CFAP20DC: variants seen among roughly 807,000 people sequenced by gnomAD.
CFAP20DC encodes protein CFAP20DC.
Under a neutral mutation model 101.7 loss-of-function variants are expected in CFAP20DC, and 84 were observed. The observed-to-expected ratio is 0.83, with a 90% CI of 0.69 to 0.99. CFAP20DC has a LOEUF of 0.99. Among genes scored for constraint, CFAP20DC ranks in the 50% least tolerant of loss-of-function variants. The probability of loss-of-function intolerance (pLI) is 0.00; values close to 1 mark genes in which losing one functional copy is unlikely to be tolerated. For synonymous variants in CFAP20DC, 359 were observed against 351.2 expected (o/e 1.02, Z -0.25); for missense variants, 1,007 against 970.3 (o/e 1.04, Z -0.50).
chr3:58,835,059 C>T (rs760383780), intron 13 of CFAP20DC, among the ~76,000 whole-genome samples: 23 of 152,006 alleles, frequency 1.5e-4, no homozygotes, highest in Non-Finnish European at 2.6e-4. Flanking sequence ...TACATATATC[C>T]CTGTTCTTAT....
chr3:59,029,171 G>A (rs1044086379), intron 4 of CFAP20DC, among the ~76,000 whole-genome samples: 11 of 152,038 alleles, frequency 7.2e-5, no homozygotes, highest in Admixed American at 1.3e-4. Context: ...CCATCCTTCC[G>A]CCCGTATGTC....
At chr3:58,977,362 G>A (rs2092321664) in intron 4 of CFAP20DC, among the ~76,000 whole-genome samples, 1 of 152,202 alleles carries the variant, frequency 6.6e-6, no homozygotes, top group Admixed American at 6.5e-5. Context: ...CAGGTAGGAA[G>A]TCACATGTGG....
At chr3:58,907,113 GTGTA>G (rs2083675197) in intron 6 of CFAP20DC, among the ~76,000 whole-genome samples, 2 of 150,204 alleles carry the variant, frequency 1.3e-5, no homozygotes, top group South Asian at 2.1e-4. Flanking sequence ...GTGTGTGTGT[GTGTA>G]TGTATGTGTG....
At position 58,863,036 on chromosome 3, in the gene CFAP20DC, C is replaced by A; in HGVS notation, c.1593+522G>T. On this transcript the variant is annotated intron_variant, in intron 12 of 16. Coordinates refer to ENST00000482387, the MANE Select transcript of CFAP20DC (RefSeq NM_001394063.1). The surrounding 1 kb of genome is among the most constrained non-coding windows in gnomAD (Gnocchi z 5.9). Reference sequence around the variant, plus strand: ...AAATCTCCTGTAAGGCAAGTCCCAGCACTAATCCACGACTCATTATCTAAA... The same window carrying A: ...AAATCTCCTGTAAGGCAAGTCCCAGAACTAATCCACGACTCATTATCTAAA... The A allele has an allele frequency of 4.0e-6, 4 of 988,194 alleles. No homozygotes were observed. Among genetic ancestry groups the A allele is most frequent in the Non-Finnish European group, 4.8e-6 (4 of 831,954 alleles). The allele number at this position is 988,194 out of a possible 1,614,324, so 61.2% of individuals were successfully genotyped here. A position where few individuals can be genotyped will look rare whatever the true frequency, so the allele number is the denominator to read the frequency against.
At chr3:58,890,435 G>A (rs998401009) in intron 6 of CFAP20DC, among the ~76,000 whole-genome samples, 3 of 144,954 alleles carry the variant, frequency 2.1e-5, no homozygotes, top group Non-Finnish European at 3.0e-5. Context: ...CGGGCGGGGG[G>A]GCTGACCCCC....
intron 15 of CFAP20DC, among the ~76,000 whole-genome samples, chr3:58,763,960 C>T (rs538087558): frequency 6.6e-6 from 1 of 152,330 alleles, no homozygotes; most frequent in Admixed American, 6.5e-5. Flanking sequence ...TCGGGGGTTC[C>T]TCCCAGTTAG....
intron 3 of CFAP20DC, among the ~76,000 whole-genome samples, chr3:59,045,625 AT>A: frequency 6.6e-6 from 1 of 152,106 alleles, no homozygotes; most frequent in East Asian, 1.9e-4. Flanking sequence ...GCTGATCTTA[AT>A]TTCTAAAGTA....
At chr3:58,817,206 A>G (rs2075257401) in intron 14 of CFAP20DC, among the ~76,000 whole-genome samples, 1 of 152,050 alleles carries the variant, frequency 6.6e-6, no homozygotes, top group Non-Finnish European at 1.5e-5. Flanking sequence ...AGAACAGAAA[A>G]ACTGGAAACT....
intron 4 of CFAP20DC, among the ~76,000 whole-genome samples, chr3:58,959,154 G>C (rs536252821): frequency 7.9e-5 from 12 of 152,120 alleles, no homozygotes; most frequent in African/African-American, 2.7e-4. Flanking sequence ...GAGTGCAATG[G>C]TGCCATCTCC....
In CFAP20DC at chr3:58,964,722, G is replaced by A. The variant is rs2091409096; in HGVS notation, c.279-26960C>T. ...AATTGCACACACATTTTTGTATTAT[G>A]CATTCATGACAAAATATTTCTAACC... On this transcript the variant is annotated intron_variant, in intron 4 of 16. Coordinates refer to ENST00000482387, the MANE Select transcript of CFAP20DC (RefSeq NM_001394063.1). This position sits in a 1 kb window ranked among gnomAD's most constrained non-coding sequence, Gnocchi z 4.1. Among the ~76,000 whole-genome samples, 1 of 152,052 alleles carries A rather than the reference G, an allele frequency of 6.6e-6. No individual in the cohort carries two copies. The highest frequency in any genetic ancestry group is 6.6e-5 in the Admixed American group (1 of 15,258).
At chr3:58,844,409 C>G (rs1402776483) in intron 13 of CFAP20DC, among the ~76,000 whole-genome samples, 2 of 136,578 alleles carry the variant, frequency 1.5e-5, no homozygotes, top group Non-Finnish European at 3.0e-5. Flanking sequence ...TCAAAAGAGA[C>G]AAAGAAGGCC....
At chr3:58,826,923 T>A (rs2076078938) in intron 14 of CFAP20DC, among the ~76,000 whole-genome samples, 1 of 152,132 alleles carries the variant, frequency 6.6e-6, no homozygotes, top group Non-Finnish European at 1.5e-5. Flanking sequence ...GAGAGTTTCA[T>A]GAAGCAGTGA....
chr3:58,936,665 A>T (rs1272445419), intron 5 of CFAP20DC, among the ~76,000 whole-genome samples: 1 of 152,206 alleles, frequency 6.6e-6, no homozygotes, highest in Non-Finnish European at 1.5e-5. Flanking sequence ...TCAGTAAACT[A>T]TCGCAAGGAC....
chr3:58,925,725 C>A (rs1462692364), intron 5 of CFAP20DC, among the ~76,000 whole-genome samples: 1 of 152,172 alleles, frequency 6.6e-6, no homozygotes. Flanking sequence ...TCTATTATTG[C>A]ACTGTCTAAC....
rs748665110 is a variant in CFAP20DC, at chr3:58,913,900, T to C, written c.394-36A>G. 1.2e-6 allele frequency: 2 copies of C among 1,606,718 alleles called. No individual in the cohort carries two copies. The highest frequency in any genetic ancestry group is 1.7e-6 in the Non-Finnish European group (2 of 1,174,772). ...GAGATGCAAAGAAGAGTAAGGACCT[T>C]TCATCAACACATAAATGAACAAACC... On this transcript the variant is annotated intron_variant, in intron 5 of 16. Coordinates refer to ENST00000482387, the MANE Select transcript of CFAP20DC (RefSeq NM_001394063.1). This position sits in a 1 kb window ranked among gnomAD's most constrained non-coding sequence, Gnocchi z 4.4.
intron 4 of CFAP20DC, among the ~76,000 whole-genome samples, chr3:58,991,882 T>C (rs1022459954): frequency 6.6e-6 from 1 of 152,122 alleles, no homozygotes; most frequent in Non-Finnish European, 1.5e-5. Context: ...AAAAGTAAAT[T>C]AGGTTTTACA....
At chr3:58,796,032 G>A (rs1056796835) in intron 15 of CFAP20DC, among the ~76,000 whole-genome samples, 1 of 152,206 alleles carries the variant, frequency 6.6e-6, no homozygotes, top group Non-Finnish European at 1.5e-5. Flanking sequence ...TGGGCAGGTG[G>A]GCAGGGGTGG....
intron 13 of CFAP20DC, among the ~76,000 whole-genome samples, chr3:58,833,935 C>T (rs1245089956): frequency 2.0e-5 from 3 of 151,970 alleles, no homozygotes; most frequent in African/African-American, 7.3e-5. Flanking sequence ...CTGAAAGAAG[C>T]CAGGCACAAA....
chr3:58,842,188 C>T (rs192445681), intron 13 of CFAP20DC, among the ~76,000 whole-genome samples: 129 of 151,764 alleles, frequency 8.5e-4, no homozygotes, highest in Middle Eastern at 3.4e-3. Flanking sequence ...GGAACAGCTC[C>T]GGTCTACAGC....
Sources: allele counts gnomAD v4.1 joint callset (sites outside exome capture counted in the v4.1 genomes callset), GRCh38; gene constraint gnomAD v4.1.1; non-coding constraint Gnocchi (gnomAD v3.1); transcripts MANE v1.5; gene names NCBI Gene and HGNC (gene_info 2026-07-23, HGNC 2026-07-21).